The following TBCD variants were observed in gnomAD, a reference collection of about 807,000 sequenced individuals.
TBCD encodes tubulin folding cofactor D, also known as tubulin-specific chaperone D.
Under a neutral mutation model 169.3 loss-of-function variants are expected in TBCD, and 105 were observed. The observed-to-expected ratio is 0.62, with a 90% CI of 0.53 to 0.73. The LOEUF is 0.73. Among genes scored for constraint, TBCD ranks in the 30% least tolerant of loss-of-function variants. The pLI is 0.00. For missense variants in TBCD, 1,444 were observed against 1,600.1 expected (o/e 0.90, Z 1.66); for synonymous variants, 700 against 643.9 (o/e 1.09, Z -1.32).
At chr17:82,927,494 C>A (rs966688813) in intron 29 of TBCD, among the ~76,000 whole-genome samples, 171 bp downstream of exon 29, 3 of 152,200 alleles carry the variant, frequency 2.0e-5, no homozygotes, top group Non-Finnish European at 2.9e-5. Flanking sequence ...GGTGAGCCTG[C>A]GTGGCAGGGC....
chr17:82,862,837 C>T (rs114901698), intron 13 of TBCD, among the ~76,000 whole-genome samples: 1,565 of 152,298 alleles, frequency 0.01, 27 homozygotes, highest in African/African-American at 0.036. Flanking sequence ...CACCCCAGGC[C>T]GGGGCCTCAT....
intron 18 of TBCD, among the ~76,000 whole-genome samples, chr17:82,902,725 T>C (rs2059975152): frequency 6.6e-6 from 1 of 152,232 alleles, no homozygotes; most frequent in Non-Finnish European, 1.5e-5. Flanking sequence ...TCTGCATGTT[T>C]TCACCTTCAC....
rs2063554688 is a variant in TBCD at position 82,944,668 on chromosome 17, T to C, written c.*2205T>C. 2 of 152,320 alleles carry C rather than the reference T, an allele frequency of 1.3e-5. No homozygotes were observed. Among genetic ancestry groups the C allele is most frequent in the African/African-American group, 4.8e-5 (2 of 41,564 alleles). 9.4% of individuals were successfully genotyped at this position (152,320 alleles called of 1,614,324 possible). On this transcript the variant is annotated 3_prime_UTR_variant, in exon 39 of 39. Transcript: ENST00000355528. ...AGTTTAGAGAGCAGCAAGAAGCCAG[T>C]ATCCCTGGGACCGGGGAGCTGATGT...
chr17:82,888,807 C>T (rs1468485308), intron 15 of TBCD, among the ~76,000 whole-genome samples: 1 of 152,232 alleles, frequency 6.6e-6, no homozygotes, highest in African/African-American at 2.4e-5. Context: ...AGCCCCCAGG[C>T]GAGTGTTGGC....
intron 12 of TBCD, among the ~76,000 whole-genome samples, chr17:82,810,387 C>T (rs1291567263): frequency 6.6e-6 from 1 of 152,186 alleles, no homozygotes; most frequent in Middle Eastern, 3.2e-3. Flanking sequence ...GCTTCATGAG[C>T]CATGATGGTG....
chr17:82,830,693 C>T, intron 13 of TBCD: 1 of 1,614,084 alleles, frequency 6.2e-7, no homozygotes, highest in Non-Finnish European at 8.5e-7. Context: ...GAGAAGCTGG[C>T]GGTTTCCGCC....
chr17:82,941,780 T>C (rs1806472160), intron 38 of TBCD: 4 of 442,176 alleles, frequency 9.0e-6, no homozygotes, highest in Admixed American at 4.1e-5. Context: ...TGGGGTCTGT[T>C]TGTGCTCCAA....
Position 82,929,332 on chromosome 17 carries a change from C to T in TBCD, c.2853-30C>T, listed in dbSNP as rs770592853. 1.9e-6 allele frequency: 3 copies of T among 1,609,626 alleles called. No individual in the cohort carries two copies. The East Asian group carries it at 6.7e-5, about 36-fold the overall frequency. On this transcript the variant is annotated intron_variant, in intron 31 of 38. Coordinates refer to ENST00000355528, the MANE Select transcript of TBCD (RefSeq NM_005993.5). ...GCAGCCATGGCGAGATCATTGGCAG[C>T]CCGGCCTTGTCTCACTCACTCTCTT...
At chr17:82,822,357 T>C (rs1213682512) in intron 13 of TBCD, among the ~76,000 whole-genome samples, 1 of 152,208 alleles carries the variant, frequency 6.6e-6, no homozygotes. Flanking sequence ...TCCTCAGTGA[T>C]GGGGCCAACC....
chr17:82,797,635 A>G (rs574027951), intron 7 of TBCD, 122 bp from the exon 8 acceptor site: 106 of 706,464 alleles, frequency 1.5e-4, no homozygotes, highest in African/African-American at 1.5e-3. Context: ...CTTTATTATT[A>G]GGTGGTGAGT....
At chr17:82,862,218 G>A (rs910945189) in intron 13 of TBCD, among the ~76,000 whole-genome samples, 1 of 152,142 alleles carries the variant, frequency 6.6e-6, no homozygotes, top group Non-Finnish European at 1.5e-5. Flanking sequence ...CACTGCGCCC[G>A]GCCAAAACCT....
chr17:82,799,315 T>A (rs529822370), intron 8 of TBCD, among the ~76,000 whole-genome samples: 2 of 151,888 alleles, frequency 1.3e-5, no homozygotes, highest in South Asian at 4.2e-4. Flanking sequence ...TGGTGGCACA[T>A]GCCTGTAATC....
chr17:82,929,559 C>T (rs2062030008), intron 32 of TBCD, 59 bp downstream of exon 32: 1 of 1,594,260 alleles, frequency 6.3e-7, no homozygotes, highest in South Asian at 1.1e-5. Flanking sequence ...CTGGTGCTTC[C>T]CTGTCTCTTG....
At chr17:82,849,660 G>A (rs2055486442) in intron 13 of TBCD, among the ~76,000 whole-genome samples, 1 of 152,348 alleles carries the variant, frequency 6.6e-6, no homozygotes, top group South Asian at 2.1e-4. Flanking sequence ...TGGTCGCCCC[G>A]GGGGTGGGAC....
intron 14 of TBCD, among the ~76,000 whole-genome samples, chr17:82,881,420 G>A (rs767791699): frequency 3.9e-5 from 6 of 152,254 alleles, no homozygotes; most frequent in Non-Finnish European, 5.9e-5. Flanking sequence ...GGGAGGTCCC[G>A]GAACGTGGGT....
At chr17:82,894,187 G>A (rs1455705374) in intron 17 of TBCD, among the ~76,000 whole-genome samples, 1 of 81,234 alleles carries the variant, frequency 1.2e-5, no homozygotes, top group Non-Finnish European at 2.5e-5. Context: ...AGAAACAAAT[G>A]TTTAGCACCT....
intron 17 of TBCD, 104 bp from the exon 18 acceptor site, chr17:82,900,547 A>C (rs529527862): frequency 9.5e-5 from 84 of 886,326 alleles, no homozygotes; most frequent in Non-Finnish European, 1.4e-4. Context: ...GATTTGAAGA[A>C]ATGGGCAAAC....
At chr17:82,827,451 C>T (rs2052955261) in intron 13 of TBCD, among the ~76,000 whole-genome samples, 1 of 152,202 alleles carries the variant, frequency 6.6e-6, no homozygotes, top group Non-Finnish European at 1.5e-5. Context: ...GGCTGAGGCT[C>T]CGGAAGTCTA....
chr17:82,918,825 A>G (rs2061237034), intron 23 of TBCD: 1 of 152,254 alleles, frequency 6.6e-6, no homozygotes, highest in African/African-American at 2.4e-5. Flanking sequence ...ACTAGTTAAG[A>G]CTTTCATTTC....
Sources: allele counts gnomAD v4.1 joint callset (sites outside exome capture counted in the v4.1 genomes callset), GRCh38; gene constraint gnomAD v4.1.1; transcripts MANE v1.5; gene names NCBI Gene and HGNC (gene_info 2026-07-23, HGNC 2026-07-21).